TTLL9: variants seen among roughly 807,000 people sequenced by gnomAD.
TTLL9 encodes the protein probable tubulin polyglutamylase TTLL9.
A neutral mutation model predicts 65.6 loss-of-function variants in TTLL9; 47 were observed. That is an observed-to-expected ratio of 0.72 (90% CI 0.57 to 0.91). The LOEUF is 0.91. Among genes scored for constraint, TTLL9 ranks in the 40% least tolerant of loss-of-function variants. The pLI is 0.00. For synonymous variants in TTLL9, 179 were observed against 204.8 expected, an observed-to-expected ratio of 0.87 and a Z score of 1.07; for missense variants, 537 against 568.8, an observed-to-expected ratio of 0.94 and a Z score of 0.57.
Position 31,943,023 on chromosome 20 carries a change from C to A in TTLL9, c.*2C>A. The A allele has an allele frequency of 6.2e-7, 1 of 1,613,854 alleles. No individual in the cohort carries two copies. Among genetic ancestry groups the A allele is most frequent in the Middle Eastern group, 1.7e-4 (1 of 6,060 alleles). ...GTTCAGAAGAAAGCTTCCAGTTGATCCCCAGCTGCCAGGAGGAAATCAGCC... is the reference window on the plus strand; with the variant it reads ...GTTCAGAAGAAAGCTTCCAGTTGATACCCAGCTGCCAGGAGGAAATCAGCC... On this transcript the variant is annotated 3_prime_UTR_variant, in exon 15 of 15. Transcript: ENST00000535842.
chr20:31,936,632 C>T (rs1047599578), intron 12 of TTLL9, among the ~76,000 whole-genome samples: 1 of 152,190 alleles, frequency 6.6e-6, no homozygotes, highest in Non-Finnish European at 1.5e-5. Context: ...TCCACCCCTC[C>T]CCACCGCTTC....
At chr20:31,879,972 C>A in intron 2 of TTLL9, 1 of 929,984 alleles carries the variant, frequency 1.1e-6, no homozygotes, top group South Asian at 1.6e-5. Context: ...GATTCAAAAT[C>A]GGTTGGGGAT....
At chr20:31,878,099 A>T (rs1392835296) in intron 2 of TTLL9, among the ~76,000 whole-genome samples, 1 of 152,238 alleles carries the variant, frequency 6.6e-6, no homozygotes, top group Non-Finnish European at 1.5e-5. Context: ...ATCTGTTTCT[A>T]CATATCTTAT....
chr20:31,916,072 G>A (rs1004817119), intron 6 of TTLL9, among the ~76,000 whole-genome samples: 54 of 152,282 alleles, frequency 3.5e-4, no homozygotes, highest in African/African-American at 1.3e-3. Flanking sequence ...GTAGGTGCCA[G>A]CTGTTGGCTG....
chr20:31,942,914 C>T (rs1158480086), intron 14 of TTLL9, 31 bp from the exon 15 acceptor site: 2 of 1,612,496 alleles, frequency 1.2e-6, no homozygotes, highest in Admixed American at 3.3e-5. Context: ...AAGCATAGGT[C>T]ATCCCAGCCA....
intron 14 of TTLL9, among the ~76,000 whole-genome samples, chr20:31,941,608 G>C (rs1251084703): frequency 1.3e-5 from 2 of 152,052 alleles, no homozygotes; most frequent in African/African-American, 4.8e-5. Flanking sequence ...GCCCAGGCTG[G>C]AGTGCAGTGG....
chr20:31,926,811 A>C (rs2063913391), intron 10 of TTLL9, among the ~76,000 whole-genome samples: 1 of 152,194 alleles, frequency 6.6e-6, no homozygotes, highest in Admixed American at 6.5e-5. Flanking sequence ...CGTTCATGTT[A>C]AAAATTATAT....
Position 31,919,939 on chromosome 20 carries a change from C to T in TTLL9, c.573+7C>T. On this transcript the variant is annotated splice_region_variant and intron_variant, in intron 7 of 14. Coordinates refer to ENST00000535842, the MANE Select transcript of TTLL9 (RefSeq NM_001008409.5). ...CATCGTGGACTGGAGGAAGGTGAGCCTGCCTCTTCCCCCTTCCTCCCTGAA... is the reference window on the plus strand; with the variant it reads ...CATCGTGGACTGGAGGAAGGTGAGCTTGCCTCTTCCCCCTTCCTCCCTGAA... The T allele has an allele frequency of 1.9e-6, 3 of 1,578,734 alleles. No individual in the cohort carries two copies. The highest frequency in any genetic ancestry group is 2.6e-6 in the Non-Finnish European group (3 of 1,163,376).
chr20:31,870,950 G>A lies in TTLL9; in HGVS notation c.-6+1G>A, dbSNP rs1225599324. 4 of 676,360 alleles carry A rather than the reference G, an allele frequency of 5.9e-6. No homozygotes were observed. The highest frequency in any genetic ancestry group is 1.1e-5 in the Non-Finnish European group (4 of 372,542). The allele number at this position is 676,360 out of a possible 1,614,324, so 41.9% of individuals were successfully genotyped here. ...TCAGAGTCTGCTTGGAACGGGATAAGTGGGTAATTCCTTCCGATACATCCT... is the reference window on the plus strand; with the variant it reads ...TCAGAGTCTGCTTGGAACGGGATAAATGGGTAATTCCTTCCGATACATCCT... On this transcript the variant is annotated splice_donor_variant, in intron 1 of 14. Transcript: ENST00000535842. LOFTEE classifies it low-confidence loss of function (5UTR_SPLICE). This position sits in a 1 kb window ranked among gnomAD's most constrained non-coding sequence, Gnocchi z 6.6.
At chr20:31,933,180 C>G (rs1179667484) in intron 10 of TTLL9, among the ~76,000 whole-genome samples, 3 of 152,156 alleles carry the variant, frequency 2.0e-5, no homozygotes, top group African/African-American at 7.2e-5. Context: ...GCTCTGTGAG[C>G]TGCAAAGTGC....
At chr20:31,937,357 C>A in intron 12 of TTLL9, 39 bp from the exon 13 acceptor site, 1 of 1,516,296 alleles carries the variant, frequency 6.6e-7, no homozygotes, top group Non-Finnish European at 9.1e-7. Context: ...CTCCAGGGAC[C>A]GAGTAACCCT....
chr20:31,936,389 G>A (rs1346087786), intron 12 of TTLL9, among the ~76,000 whole-genome samples: 1 of 152,032 alleles, frequency 6.6e-6, no homozygotes, highest in Non-Finnish European at 1.5e-5. Context: ...AGGATGACTT[G>A]AGGCCAGGGG....
chr20:31,909,728 G>A lies in TTLL9; in HGVS notation c.319-9G>A, dbSNP rs184586319. 21 of 1,611,748 alleles carry A rather than the reference G, an allele frequency of 1.3e-5. No individual in the cohort carries two copies. The highest frequency in any genetic ancestry group is 4.4e-5 in the South Asian group (4 of 90,856). On this transcript the variant is annotated splice_polypyrimidine_tract_variant and intron_variant, in intron 5 of 14. Coordinates refer to ENST00000535842, the MANE Select transcript of TTLL9 (RefSeq NM_001008409.5). Reference sequence around the variant, plus strand: ...GAGCTAATGGCCGCCTGTCCTTCCCGCCACCCAGCTGACCCGGAAGAACTA... The same window carrying A: ...GAGCTAATGGCCGCCTGTCCTTCCCACCACCCAGCTGACCCGGAAGAACTA...
chr20:31,937,598 C>T, intron 13 of TTLL9, 89 bp downstream of exon 13: 1 of 1,019,370 alleles, frequency 9.8e-7, no homozygotes, highest in Non-Finnish European at 1.4e-6. Context: ...ACCTTGGGGC[C>T]TGAGTGGCCC....
chr20:31,937,075 G>A (rs1374685736), intron 12 of TTLL9, among the ~76,000 whole-genome samples: 10 of 142,484 alleles, frequency 7.0e-5, no homozygotes, highest in Non-Finnish European at 1.1e-4. Flanking sequence ...TCCAGCCTGG[G>A]CGACAAGAGC....
chr20:31,932,848 T>A (rs912332584), intron 10 of TTLL9, among the ~76,000 whole-genome samples: 1 of 151,988 alleles, frequency 6.6e-6, no homozygotes, highest in African/African-American at 2.4e-5. Flanking sequence ...AATACAAAAA[T>A]CAGCTGGCTT....
chr20:31,873,740 G>GAA (rs1600505586), intron 2 of TTLL9, among the ~76,000 whole-genome samples: 3 of 121,636 alleles, frequency 2.5e-5, no homozygotes, highest in South Asian at 2.7e-4. Flanking sequence ...GAAAGAAAAA[G>GAA]GAAGGAAGGA....
Position 31,890,091 on chromosome 20 carries a change from T to C in TTLL9, c.113+2852T>C, listed in dbSNP as rs1568752910. 4.5e-3 allele frequency among the ~76,000 whole-genome samples: 582 copies of C among 129,032 alleles called. 23 individuals are homozygous for C. Among genetic ancestry groups the C allele is most frequent in the African/African-American group, 0.017 (517 of 30,754 alleles). The allele number at this position is 129,032 out of a possible 152,430, so 84.7% of individuals were successfully genotyped here. ...TTCTTGCTTTCTTGCTTTCTTGCTTTCTTTCCCTCCCTTCCTTCCTTCCTT... is the reference window on the plus strand; with the variant it reads ...TTCTTGCTTTCTTGCTTTCTTGCTTCCTTTCCCTCCCTTCCTTCCTTCCTT... On this transcript the variant is annotated intron_variant, in intron 3 of 14. Transcript: ENST00000535842.
At chr20:31,926,169 G>T (rs2063903695) in intron 10 of TTLL9, 78 bp downstream of exon 10, 3 of 907,138 alleles carry the variant, frequency 3.3e-6, no homozygotes, top group South Asian at 1.4e-5. Flanking sequence ...GGCCAACTCT[G>T]CTCAGAGCAG....
Sources: allele counts gnomAD v4.1 joint callset (sites outside exome capture counted in the v4.1 genomes callset), GRCh38; gene constraint gnomAD v4.1.1; non-coding constraint Gnocchi (gnomAD v3.1); transcripts MANE v1.5; gene names NCBI Gene and HGNC (gene_info 2026-07-23, HGNC 2026-07-21).